The following DENND1A variants were observed in gnomAD, a reference collection of about 807,000 sequenced individuals.
DENND1A encodes the protein DENN domain-containing protein 1A.
In DENND1A, 51 loss-of-function variants were observed where a neutral mutation model predicts 113.7. That is an observed-to-expected ratio of 0.45 (90% CI 0.36 to 0.57). DENND1A has a LOEUF of 0.57. Among genes scored for constraint, DENND1A ranks in the 20% least tolerant of loss-of-function variants. The pLI is 0.00. For missense variants in DENND1A, 1,258 were observed against 1,395.9 expected, an observed-to-expected ratio of 0.90 and a Z score of 1.57; for synonymous variants, 565 against 570.8, an observed-to-expected ratio of 0.99 and a Z score of 0.14.
At chr9:123,799,880 G>A (rs757038910) in intron 2 of DENND1A, among the ~76,000 whole-genome samples, 5 of 152,124 alleles carry the variant, frequency 3.3e-5, no homozygotes, top group South Asian at 2.1e-4. Context: ...CTGACATGTC[G>A]TAAGCACACA....
chr9:123,741,446 C>T (rs2069014587), intron 5 of DENND1A, among the ~76,000 whole-genome samples: 1 of 152,102 alleles, frequency 6.6e-6, no homozygotes, highest in Admixed American at 6.6e-5. Flanking sequence ...TAGCCTGATC[C>T]ATTTATCCAT....
intron 20 of DENND1A, among the ~76,000 whole-genome samples, chr9:123,407,590 G>A (rs1486666924): frequency 1.3e-5 from 2 of 152,134 alleles, no homozygotes; most frequent in Admixed American, 6.5e-5. Flanking sequence ...CATGTTTCGG[G>A]GGTGCTTAGG....
At chr9:123,901,868 C>A (rs1210709310) in intron 1 of DENND1A, among the ~76,000 whole-genome samples, 1 of 151,754 alleles carries the variant, frequency 6.6e-6, no homozygotes, top group Non-Finnish European at 1.5e-5. Context: ...TAGCTGGGCA[C>A]GGTGGTGGGC....
intron 11 of DENND1A, among the ~76,000 whole-genome samples, chr9:123,587,712 C>A (rs185160007): frequency 6.6e-6 from 1 of 152,220 alleles, no homozygotes; most frequent in Non-Finnish European, 1.5e-5. Flanking sequence ...ACTGTTGGCT[C>A]ATTTTGGCAG....
intron 6 of DENND1A, among the ~76,000 whole-genome samples, chr9:123,675,173 A>C (rs2063997987): frequency 6.6e-6 from 1 of 152,216 alleles, no homozygotes; most frequent in Non-Finnish European, 1.5e-5. Context: ...GACCTCTGGA[A>C]TACATTTGCC....
intron 13 of DENND1A, among the ~76,000 whole-genome samples, chr9:123,487,788 C>T (rs1250137583): frequency 6.6e-6 from 1 of 152,178 alleles, no homozygotes; most frequent in Non-Finnish European, 1.5e-5. Flanking sequence ...AATGTAAGTA[C>T]CAAGCATGCT....
At chr9:123,929,825 C>T (rs1258772455) in intron 1 of DENND1A, 64 bp downstream of exon 1, 4 of 201,164 alleles carry the variant, frequency 2.0e-5, no homozygotes, top group Middle Eastern at 3.6e-3. Flanking sequence ...CCGCGGCCTG[C>T]AGCCCTGGCC....
intron 2 of DENND1A, among the ~76,000 whole-genome samples, chr9:123,861,914 T>C (rs922250404): frequency 6.6e-6 from 1 of 152,142 alleles, no homozygotes; most frequent in Non-Finnish European, 1.5e-5. Context: ...CAGACACTTT[T>C]TTTAAATGCA....
rs142085177 is a variant in DENND1A, at chr9:123,657,563, C to T, written c.508-5440G>A. Among the ~76,000 whole-genome samples, 352 of 152,228 alleles carry T rather than the reference C, an allele frequency of 2.3e-3. 3 individuals are homozygous for T. The highest frequency in any genetic ancestry group is 8.1e-3 in the African/African-American group (338 of 41,534). ...GGAGCCTTCGAAACAGATGCTAGTC[C>T]GCCCCACTGTCTGTCATTTTATTAG... On this transcript the variant is annotated intron_variant, in intron 8 of 23. Coordinates refer to ENST00000394215, the MANE Select transcript of DENND1A (RefSeq NM_001352964.2).
chr9:123,444,705 C>T (rs908485863), intron 18 of DENND1A, among the ~76,000 whole-genome samples: 2 of 152,088 alleles, frequency 1.3e-5, no homozygotes, highest in Non-Finnish European at 2.9e-5. Flanking sequence ...CTGGGAAATG[C>T]CCAGGATATA....
intron 11 of DENND1A, among the ~76,000 whole-genome samples, chr9:123,590,202 T>C (rs144779425): frequency 6.6e-6 from 1 of 152,316 alleles, no homozygotes; most frequent in East Asian, 1.9e-4. Flanking sequence ...CTAAGGTTTA[T>C]CTGCACAATT....
intron 21 of DENND1A, chr9:123,400,356 C>T (rs1209196082): frequency 5.9e-5 from 9 of 152,204 alleles, no homozygotes; most frequent in Admixed American, 3.3e-4. Flanking sequence ...TCCGTGCTTG[C>T]GCCTAGTAGG....
At chr9:123,447,001 A>G (rs1284296965) in intron 18 of DENND1A, among the ~76,000 whole-genome samples, 1 of 152,108 alleles carries the variant, frequency 6.6e-6, no homozygotes, top group East Asian at 1.9e-4. Flanking sequence ...AGGTGAGGAG[A>G]AATGGATTTG....
intron 2 of DENND1A, among the ~76,000 whole-genome samples, chr9:123,862,102 AT>A (rs1554790882): frequency 4.8e-4 from 73 of 151,958 alleles, no homozygotes; most frequent in African/African-American, 1.4e-3. Context: ...ATAAAAAAAA[AT>A]TTTTTTTTAA....
rs200111995 is a variant in DENND1A at position 123,610,232 on chromosome 9, G to A, written c.720-751C>T. On this transcript the variant is annotated intron_variant, in intron 10 of 23. Coordinates refer to ENST00000394215, the MANE Select transcript of DENND1A (RefSeq NM_001352964.2). ...GTTGATTTCAGGGGTCGGTGTGTATGTGTGTGTGTGTATACATTATCATTT... is the reference window on the plus strand; with the variant it reads ...GTTGATTTCAGGGGTCGGTGTGTATATGTGTGTGTGTATACATTATCATTT... 2.6e-5 allele frequency among the ~76,000 whole-genome samples: 4 copies of A among 151,932 alleles called. No individual in the cohort carries two copies. In the East Asian group the frequency reaches 7.7e-4, roughly 29 times the overall value.
At chr9:123,533,471 C>A (rs1409472855) in intron 13 of DENND1A, among the ~76,000 whole-genome samples, 1 of 152,202 alleles carries the variant, frequency 6.6e-6, no homozygotes, top group African/African-American at 2.4e-5. Context: ...TGCACTCAAG[C>A]CTGGCTTTCT....
intron 4 of DENND1A, among the ~76,000 whole-genome samples, chr9:123,759,047 T>G (rs1300412658): frequency 6.6e-6 from 1 of 152,156 alleles, no homozygotes; most frequent in African/African-American, 2.4e-5. Context: ...GTGATCCACC[T>G]GCCTCGGCCT....
chr9:123,569,999 C>A (rs1361828495), intron 12 of DENND1A, among the ~76,000 whole-genome samples: 1 of 152,122 alleles, frequency 6.6e-6, no homozygotes, highest in Admixed American at 6.6e-5. Context: ...CTATTTGGGT[C>A]TCATCTTTTG....
At chr9:123,509,528 C>T (rs2053263829) in intron 13 of DENND1A, among the ~76,000 whole-genome samples, 1 of 152,198 alleles carries the variant, frequency 6.6e-6, no homozygotes, top group African/African-American at 2.4e-5. Flanking sequence ...GTTTTTGAGC[C>T]TTCTCTCTGG....
Sources: allele counts gnomAD v4.1 joint callset (sites outside exome capture counted in the v4.1 genomes callset), GRCh38; gene constraint gnomAD v4.1.1; transcripts MANE v1.5; gene names NCBI Gene and HGNC (gene_info 2026-07-23, HGNC 2026-07-21).